Variants in CTIF observed in about 807,000 individuals in gnomAD.
The protein encoded by CTIF is cap binding complex dependent translation initiation factor, also known as CBP80/20-dependent translation initiation factor.
CTIF carries 21 observed loss-of-function variants against 66.0 expected under a neutral mutation model. That is an observed-to-expected ratio of 0.32 (90% CI 0.23 to 0.46). The LOEUF (loss-of-function observed/expected upper bound fraction) is 0.46, where lower values mean the gene tolerates loss of function less well. CTIF is among the 20% of genes least tolerant of loss of function. The pLI, the probability that CTIF is intolerant of heterozygous loss-of-function variation, is 1.00. For synonymous variants in CTIF, 345 were observed against 326.4 expected (o/e 1.06, Z -0.62); for missense variants, 739 against 812.7 (o/e 0.91, Z 1.10).
At chr18:48,712,505 G>A (rs2092236506) in intron 7 of CTIF, among the ~76,000 whole-genome samples, 2 of 152,144 alleles carry the variant, frequency 1.3e-5, no homozygotes, top group African/African-American at 4.8e-5. Context: ...TTTTTTGCTT[G>A]AACATGCATA....
intron 9 of CTIF, among the ~76,000 whole-genome samples, chr18:48,801,300 AG>A (rs899232544): frequency 3.3e-5 from 5 of 152,220 alleles, no homozygotes; most frequent in Non-Finnish European, 7.4e-5. Flanking sequence ...AGGCAGGCAC[AG>A]GCCAGGATCA....
chr18:48,653,779 G>T (rs1017409084), intron 3 of CTIF, among the ~76,000 whole-genome samples: 4 of 152,092 alleles, frequency 2.6e-5, no homozygotes, highest in African/African-American at 9.7e-5. Context: ...AAAACAGAGA[G>T]CTAGACCAAT....
intron 1 of CTIF, among the ~76,000 whole-genome samples, chr18:48,543,185 T>A (rs752534900): frequency 7.2e-5 from 11 of 152,200 alleles, no homozygotes; most frequent in Non-Finnish European, 8.8e-5. Context: ...GCAGCTCAGG[T>A]CATGAAGGAG....
rs566720883 is a variant in CTIF at position 48,553,780 on chromosome 18, C to T, written c.-29+14468C>T. Reference sequence around the variant, plus strand: ...ATGCTATTCTCCTGCCTCAGCCTCCCGAGTAGCTGGGGCTACAGGTGCCCG... The same window carrying T: ...ATGCTATTCTCCTGCCTCAGCCTCCTGAGTAGCTGGGGCTACAGGTGCCCG... On this transcript the variant is annotated intron_variant, in intron 1 of 11. Coordinates refer to ENST00000256413, the MANE Select transcript of CTIF (RefSeq NM_014772.3). Among the ~76,000 whole-genome samples, 156 of 151,818 alleles carry T rather than the reference C, an allele frequency of 1.0e-3. 1 individual carries two copies. The highest frequency in any genetic ancestry group is 2.5e-3 in the South Asian group (12 of 4,792).
At chr18:48,708,998 C>G (rs2092193537) in intron 6 of CTIF, among the ~76,000 whole-genome samples, 1 of 152,092 alleles carries the variant, frequency 6.6e-6, no homozygotes, top group Admixed American at 6.6e-5. Flanking sequence ...ATGATGATGG[C>G]ATCGATGACA....
At chr18:48,617,068 C>G (rs1279122843) in intron 1 of CTIF, among the ~76,000 whole-genome samples, 4 of 152,206 alleles carry the variant, frequency 2.6e-5, no homozygotes, top group African/African-American at 9.7e-5. Context: ...GAATTCTTAG[C>G]TGGAGGCTCT....
Position 48,761,807 on chromosome 18 carries a change from C to T in CTIF, c.1371+118C>T. On this transcript the variant is annotated intron_variant, in intron 9 of 11. Coordinates refer to ENST00000256413, the MANE Select transcript of CTIF (RefSeq NM_014772.3). The surrounding 1 kb of genome is among the most constrained non-coding windows in gnomAD (Gnocchi z 4.2). Reference sequence around the variant, plus strand: ...AGTTGGACTTTTCCCAAGTTCCGCCCTTGCCCGATTAATTATAGAAAACAC... The same window carrying T: ...AGTTGGACTTTTCCCAAGTTCCGCCTTTGCCCGATTAATTATAGAAAACAC... 1 of 1,003,360 alleles carries T rather than the reference C, an allele frequency of 1.0e-6. No individual in the cohort carries two copies. The highest frequency in any genetic ancestry group is 1.4e-6 in the Non-Finnish European group (1 of 695,680). 62.2% of individuals were successfully genotyped at this position (1,003,360 alleles called of 1,614,324 possible).
At chr18:48,692,872 C>G (rs1201339585) in intron 6 of CTIF, among the ~76,000 whole-genome samples, 3 of 152,178 alleles carry the variant, frequency 2.0e-5, no homozygotes, top group Non-Finnish European at 4.4e-5. Context: ...CTCCTCAGGT[C>G]ATTATACTGT....
chr18:48,554,229 G>A (rs925585245), intron 1 of CTIF, among the ~76,000 whole-genome samples: 1 of 152,200 alleles, frequency 6.6e-6, no homozygotes, highest in African/African-American at 2.4e-5. Context: ...TCTTCCAATG[G>A]GAACATTTAA....
At chr18:48,596,623 G>A (rs1568059713) in intron 1 of CTIF, among the ~76,000 whole-genome samples, 1 of 152,018 alleles carries the variant, frequency 6.6e-6, no homozygotes. Context: ...GACAACAGGT[G>A]TGTGCTAACA....
At chr18:48,765,494 C>T (rs1909433109) in intron 9 of CTIF, among the ~76,000 whole-genome samples, 1 of 152,250 alleles carries the variant, frequency 6.6e-6, no homozygotes, top group Non-Finnish European at 1.5e-5. Flanking sequence ...CTTGGTTCTC[C>T]CTGGCTGACT....
intron 9 of CTIF, among the ~76,000 whole-genome samples, chr18:48,779,275 CATAAGT>C (rs1410676834): frequency 1.3e-5 from 2 of 152,208 alleles, no homozygotes; most frequent in African/African-American, 4.8e-5. Flanking sequence ...CACTGTGGGC[CATAAGT>C]ATCCCTTAGA....
chr18:48,657,603 C>T (rs1401240785), intron 3 of CTIF, among the ~76,000 whole-genome samples: 1 of 152,096 alleles, frequency 6.6e-6, no homozygotes, highest in African/African-American at 2.4e-5. Context: ...ATCAGCTCTG[C>T]ACGGGAGTGT....
intron 1 of CTIF, among the ~76,000 whole-genome samples, chr18:48,560,821 C>T (rs1199630747): frequency 6.6e-6 from 1 of 152,174 alleles, no homozygotes; most frequent in East Asian, 1.9e-4. Flanking sequence ...GATCCTCCCA[C>T]CTTGGCCTCC....
chr18:48,543,109 G>T (rs1049897418), intron 1 of CTIF, among the ~76,000 whole-genome samples: 1 of 152,218 alleles, frequency 6.6e-6, no homozygotes, highest in Admixed American at 6.5e-5. Flanking sequence ...TCTGGTCCCA[G>T]ATATTGTCCT....
intron 3 of CTIF, among the ~76,000 whole-genome samples, chr18:48,647,107 C>T (rs1439259689): frequency 6.6e-6 from 1 of 152,192 alleles, no homozygotes; most frequent in African/African-American, 2.4e-5. Context: ...TGGTTAAACA[C>T]TCAGCAATGA....
At chr18:48,808,851 T>C (rs1391587993) in intron 9 of CTIF, among the ~76,000 whole-genome samples, 1 of 152,240 alleles carries the variant, frequency 6.6e-6, no homozygotes, top group African/African-American at 2.4e-5. Context: ...TTTAGTTATT[T>C]CCCTTGCTAT....
chr18:48,553,762 TCTC>T (rs1384913445), intron 1 of CTIF, among the ~76,000 whole-genome samples: 2 of 151,750 alleles, frequency 1.3e-5, no homozygotes, highest in African/African-American at 4.8e-5. Context: ...TTCATGCTAT[TCTC>T]CTGCCTCAGC....
intron 1 of CTIF, among the ~76,000 whole-genome samples, chr18:48,606,385 C>T (rs1259064197): frequency 3.3e-5 from 5 of 152,250 alleles, no homozygotes; most frequent in Admixed American, 3.3e-4. Context: ...CACTGGCATA[C>T]TGTTCCAGGG....
Sources: gnomAD v4.1 joint callset for allele counts (sites outside exome capture counted in the v4.1 genomes callset) on GRCh38, gnomAD v4.1.1 for gene constraint, Gnocchi (gnomAD v3.1) non-coding constraint, MANE v1.5 for transcripts, NCBI Gene and HGNC (gene_info 2026-07-23, HGNC 2026-07-21) for gene names.